RC3H2: variants seen among roughly 807,000 people sequenced by gnomAD.
RC3H2 encodes roquin-2.
RC3H2 carries 31 observed loss-of-function variants against 133.3 expected under a neutral mutation model. The observed-to-expected ratio is 0.23, with a 90% CI of 0.17 to 0.31. The LOEUF is 0.31. Ranked by LOEUF, RC3H2 falls within the 10% of genes least tolerant of loss-of-function variation. The probability of loss-of-function intolerance (pLI) is 1.00; values close to 1 mark genes in which losing one functional copy is unlikely to be tolerated. For synonymous variants in RC3H2, 517 were observed against 502.2 expected (o/e 1.03, Z -0.40); for missense variants, 1,175 against 1,437.2 (o/e 0.82, Z 2.95).
intron 10 of RC3H2, among the ~76,000 whole-genome samples, chr9:122,860,895 G>A (rs769116312): frequency 3.9e-4 from 60 of 152,136 alleles, no homozygotes; most frequent in Non-Finnish European, 7.2e-4. Flanking sequence ...GCTGAAATAT[G>A]AACTCCTTGA....
rs372603256 is a variant in RC3H2 at position 122,865,701 on chromosome 9, T to A, written c.1326-44A>T. The A allele has an allele frequency of 9.0e-6, 14 of 1,556,616 alleles. No homozygotes were observed. The African/African-American group carries it at 1.2e-4, about 14-fold the overall frequency. Reference sequence around the variant, plus strand: ...ACAGATTGGTGAATATTTCACTAAATCTTACTCAAGACAAAAAATGGCAAT... The same window carrying A: ...ACAGATTGGTGAATATTTCACTAAAACTTACTCAAGACAAAAAATGGCAAT... On this transcript the variant is annotated intron_variant, in intron 9 of 20. Coordinates refer to ENST00000357244, the MANE Select transcript of RC3H2 (RefSeq NM_001100588.3).
rs376723673 is a variant in RC3H2, at chr9:122,895,160, G to GT, written c.231+2118dup. Among the ~76,000 whole-genome samples the GT allele has an allele frequency of 5.5e-3, 772 of 139,870 alleles. 2 individuals are homozygous for GT. The highest frequency in any genetic ancestry group is 0.011 in the Middle Eastern group (3 of 272). 91.8% of individuals were successfully genotyped at this position (139,870 alleles called of 152,430 possible). On this transcript the variant is annotated intron_variant, in intron 2 of 20. Coordinates refer to ENST00000357244, the MANE Select transcript of RC3H2 (RefSeq NM_001100588.3). ...CAGATGCTAAATAAATGGTAGCTAG[G>GT]TTTTTTTTTTTTTTTTGAGACAGGG...
At chr9:122,855,581 A>G in intron 14 of RC3H2, 151 bp downstream of exon 14, 1 of 960,926 alleles carries the variant, frequency 1.0e-6, no homozygotes, top group Non-Finnish European at 1.5e-6. Flanking sequence ...ATTAAATATA[A>G]TTTATTTCAG....
Position 122,847,491 on chromosome 9 carries a change from T to C in RC3H2, c.*2136A>G, listed in dbSNP as rs913265648. 1 of 152,016 alleles carries C rather than the reference T, an allele frequency of 6.6e-6. No homozygotes were observed. Among genetic ancestry groups the C allele is most frequent in the Admixed American group, 6.5e-5 (1 of 15,270 alleles). The allele number at this position is 152,016 out of a possible 1,614,324, so 9.4% of individuals were successfully genotyped here. Reference sequence around the variant, plus strand: ...ATCTCACTATTAAATATCCATGAAATAGACAGACTGGTTTGCATATCCTTT... The same window carrying C: ...ATCTCACTATTAAATATCCATGAAACAGACAGACTGGTTTGCATATCCTTT... On this transcript the variant is annotated 3_prime_UTR_variant, in exon 21 of 21. Transcript: ENST00000357244.
chr9:122,874,091 G>A (rs1386414134), intron 9 of RC3H2: 1 of 152,080 alleles, frequency 6.6e-6, no homozygotes, highest in Non-Finnish European at 1.5e-5. Context: ...TAATATCTGA[G>A]TATGATTAGA....
intron 9 of RC3H2, among the ~76,000 whole-genome samples, chr9:122,871,715 T>C (rs1238697732): frequency 2.6e-5 from 4 of 152,198 alleles, no homozygotes; most frequent in Non-Finnish European, 5.9e-5. Flanking sequence ...GTGTTTTTTT[T>C]TCATACTGCC....
intron 9 of RC3H2, among the ~76,000 whole-genome samples, chr9:122,867,177 ATCTGAGAAGTGAGGAGCGTC>A (rs1307620864): frequency 3.5e-5 from 4 of 114,162 alleles, no homozygotes; most frequent in Non-Finnish European, 5.7e-5. Flanking sequence ...CAGCCGGCCC[ATCTGAGAAGTGAGGAGCGTC>A]TCCGCCCGGC....
At chr9:122,854,333 C>T in intron 16 of RC3H2, 67 bp from the exon 17 acceptor site, 1 of 1,385,244 alleles carries the variant, frequency 7.2e-7, no homozygotes, top group South Asian at 1.2e-5. Flanking sequence ...CAGTAATAAC[C>T]ATATGTTTTA....
Position 122,845,522 on chromosome 9 carries a change from A to G in RC3H2, c.*4105T>C, listed in dbSNP as rs1334566698. 6.6e-6 allele frequency: 1 copy of G among 152,146 alleles called. No homozygotes were observed. The highest frequency in any genetic ancestry group is 1.5e-5 in the Non-Finnish European group (1 of 68,028). The allele number at this position is 152,146 out of a possible 1,614,324, so 9.4% of individuals were successfully genotyped here. A position where few individuals can be genotyped will look rare whatever the true frequency, so the allele number is the denominator to read the frequency against. ...AGTGTCTGTGTTCCACTGGTTTGGG[A>G]ATATTTTAAAAATTTTATTAAAAAA... On this transcript the variant is annotated 3_prime_UTR_variant, in exon 21 of 21. Transcript: ENST00000357244.
intron 1 of RC3H2, among the ~76,000 whole-genome samples, chr9:122,899,090 GTTTTTT>G (rs1183512993): frequency 7.4e-4 from 65 of 88,380 alleles, no homozygotes; most frequent in East Asian, 3.4e-3. Flanking sequence ...CCTTTATTGT[GTTTTTT>G]TTTTTTTTTT....
At chr9:122,852,213 T>C (rs1256824985) in intron 18 of RC3H2, among the ~76,000 whole-genome samples, 8 of 134,690 alleles carry the variant, frequency 5.9e-5, no homozygotes, top group African/African-American at 8.6e-5. Flanking sequence ...GTGAGGAGCG[T>C]CTCTGCCCGG....
At chr9:122,868,895 G>GTGTTT (rs1830916157) in intron 9 of RC3H2, among the ~76,000 whole-genome samples, 1 of 99,614 alleles carries the variant, frequency 1.0e-5, no homozygotes, top group African/African-American at 4.2e-5. Flanking sequence ...GTGTGTATGT[G>GTGTTT]TTTTTTTTTT....
In RC3H2 at chr9:122,860,478, A is replaced by G. The variant is rs747100752; in HGVS notation, c.1635-347T>C. Among the ~76,000 whole-genome samples, 9 of 150,570 alleles carry G rather than the reference A, an allele frequency of 6.0e-5. 1 individual carries two copies. The highest frequency in any genetic ancestry group is 2.0e-4 in the East Asian group (1 of 5,058). ...GCTGGAGTGCACTGACATAATCACA[A>G]TAACAGCTCACTGCAGCCTTGACCT... On this transcript the variant is annotated intron_variant, in intron 10 of 20. Coordinates refer to ENST00000357244, the MANE Select transcript of RC3H2 (RefSeq NM_001100588.3).
chr9:122,891,379 G>A (rs573473826), intron 3 of RC3H2, among the ~76,000 whole-genome samples: 9 of 152,002 alleles, frequency 5.9e-5, no homozygotes, highest in South Asian at 2.1e-4. Flanking sequence ...GTCTATACTC[G>A]CTATTTCCTA....
At chr9:122,894,264 A>G (rs1382451821) in intron 2 of RC3H2, among the ~76,000 whole-genome samples, 1 of 151,984 alleles carries the variant, frequency 6.6e-6, no homozygotes, top group East Asian at 1.9e-4. Flanking sequence ...GTCTCAAAAA[A>G]AAAAAAAGTT....
chr9:122,852,950 G>A (rs1830108040), intron 18 of RC3H2, among the ~76,000 whole-genome samples: 1 of 152,238 alleles, frequency 6.6e-6, no homozygotes, highest in South Asian at 2.1e-4. Flanking sequence ...GGGGGGAAAG[G>A]TGGGGAAAAG....
chr9:122,862,015 A>G (rs1023150351), intron 10 of RC3H2, among the ~76,000 whole-genome samples: 1 of 152,242 alleles, frequency 6.6e-6, no homozygotes, highest in African/African-American at 2.4e-5. Flanking sequence ...AGTCTATTCC[A>G]GGCACTGTGC....
intron 9 of RC3H2, chr9:122,875,389 T>C (rs771565042): frequency 1.3e-6 from 2 of 1,527,528 alleles, no homozygotes; most frequent in South Asian, 1.2e-5. Flanking sequence ...TAGACAAACA[T>C]TTAATAAACA....
In RC3H2 at chr9:122,890,348, C is replaced by G; in HGVS notation, c.547G>C (p.Ala183Pro). Residue 183 changes from alanine (A) to proline (P), a missense_variant, in exon 4 of 21, where the codon GCT (alanine) becomes CCT (proline). Around this residue, in one of 8 missense-constraint regions of RC3H2, gnomAD observed 121 missense variants for 243.5 expected, o/e 0.50. Coordinates refer to ENST00000357244, the MANE Select transcript of RC3H2 (RefSeq NM_001100588.3). ...PQQLSANLWAAVRARGCQFLG... is the reference protein window; with the variant it reads ...PQQLSANLWAPVRARGCQFLG... ...AACTGGCATCCTCGAGCCCTGACAGCGGCCCATAGATTGGCAGACAACTGC... is the reference window on the plus strand; with the variant it reads ...AACTGGCATCCTCGAGCCCTGACAGGGGCCCATAGATTGGCAGACAACTGC... The G allele has an allele frequency of 6.2e-7, 1 of 1,614,112 alleles. No individual in the cohort carries two copies. Among genetic ancestry groups the G allele is most frequent in the Non-Finnish European group, 8.5e-7 (1 of 1,180,016 alleles).
Sources: gnomAD v4.1 joint callset for allele counts (sites outside exome capture counted in the v4.1 genomes callset) on GRCh38, gnomAD v4.1.1 for gene constraint, gnomAD v4.1.1 regional missense constraint, MANE v1.5 for transcripts, NCBI Gene and HGNC (gene_info 2026-07-23, HGNC 2026-07-21) for gene names.